Variants in SGF29 observed in about 807,000 individuals in gnomAD.
SGF29 encodes the protein SAGA-associated factor 29.
Under a neutral mutation model 38.1 loss-of-function variants are expected in SGF29, and 15 were observed. The ratio of observed to expected loss-of-function variants is 0.39; its 90% CI spans 0.26 to 0.61. The LOEUF (loss-of-function observed/expected upper bound fraction) is 0.61, where lower values mean the gene tolerates loss of function less well. SGF29 is among the 20% of genes least tolerant of loss of function. The probability of loss-of-function intolerance (pLI) is 0.49; values close to 1 mark genes in which losing one functional copy is unlikely to be tolerated. For synonymous variants in SGF29, 151 were observed against 160.8 expected (o/e 0.94, Z 0.46); for missense variants, 184 against 394.6 (o/e 0.47, Z 4.52).
chr16:28,555,692 CTAAAG>C (rs1421747188), intron 1 of SGF29, among the ~76,000 whole-genome samples: 1 of 152,216 alleles, frequency 6.6e-6, no homozygotes, highest in Non-Finnish European at 1.5e-5. Flanking sequence ...CAGACACACT[CTAAAG>C]TGTTTCACCA....
intron 3 of SGF29, chr16:28,585,440 A>T (rs894275661): frequency 6.6e-6 from 4 of 603,302 alleles, no homozygotes; most frequent in Non-Finnish European, 1.2e-5. Context: ...ACTCTCGCAG[A>T]TGTAGGGATG....
rs183035214 is a variant in SGF29, at chr16:28,569,157, A to G, written c.-15-11898A>G. 1.9e-3 allele frequency among the ~76,000 whole-genome samples: 293 copies of G among 152,278 alleles called. 3 individuals carry two copies. The highest frequency in any genetic ancestry group is 0.01 in the Middle Eastern group (3 of 294). On this transcript the variant is annotated intron_variant, in intron 1 of 9. Coordinates refer to ENST00000317058, the MANE Select transcript of SGF29 (RefSeq NM_138414.3). Reference sequence around the variant, plus strand: ...AAGCTTCTTTTCTTTCTTATGTCCTAGTGTTTTGTGGGAGAACTTAAGAGT... The same window carrying G: ...AAGCTTCTTTTCTTTCTTATGTCCTGGTGTTTTGTGGGAGAACTTAAGAGT...
At chr16:28,582,806 A>G (rs956675931) in intron 2 of SGF29, among the ~76,000 whole-genome samples, 3 of 152,098 alleles carry the variant, frequency 2.0e-5, no homozygotes, top group African/African-American at 7.2e-5. Flanking sequence ...GTGGTGGTAC[A>G]TGCTTGTAAT....
chr16:28,587,949 G>C (rs543196232), intron 4 of SGF29, among the ~76,000 whole-genome samples: 1 of 151,946 alleles, frequency 6.6e-6, no homozygotes, highest in Non-Finnish European at 1.5e-5. Context: ...ATAGACGCCC[G>C]CCACCACGCC....
rs2046978244 is a variant in SGF29 at position 28,589,988 on chromosome 16, C to A, written c.290-108C>A. The A allele has an allele frequency of 2.1e-5, 30 of 1,449,874 alleles. No homozygotes were observed. The East Asian group carries it at 7.3e-4, about 35-fold the overall frequency. The allele number at this position is 1,449,874 out of a possible 1,614,324, so 89.8% of individuals were successfully genotyped here. A position where few individuals can be genotyped will look rare whatever the true frequency, so the allele number is the denominator to read the frequency against. ...GTCCTGCTGGGCCCTCGGGCTCACTCGGGAACTGGGGGCTCCCAGGTGCTC... is the reference window on the plus strand; with the variant it reads ...GTCCTGCTGGGCCCTCGGGCTCACTAGGGAACTGGGGGCTCCCAGGTGCTC... On this transcript the variant is annotated intron_variant, in intron 5 of 9. Transcript: ENST00000317058.
At chr16:28,585,747 C>A in intron 4 of SGF29, 27 bp downstream of exon 4, 1 of 1,605,422 alleles carries the variant, frequency 6.2e-7, no homozygotes. Flanking sequence ...CACTTCATCG[C>A]CGCTCCCTCC....
chr16:28,591,020 C>T, intron 9 of SGF29, 85 bp downstream of exon 9: 5 of 1,442,958 alleles, frequency 3.5e-6, no homozygotes, highest in Non-Finnish European at 4.6e-6. Flanking sequence ...CCCACTCCTT[C>T]CCTTTGTCCT....
intron 1 of SGF29, among the ~76,000 whole-genome samples, chr16:28,574,207 G>C (rs1156278784): frequency 6.6e-6 from 1 of 152,216 alleles, no homozygotes; most frequent in Non-Finnish European, 1.5e-5. Context: ...ACTTGAAGGA[G>C]ACCCACGTGG....
chr16:28,564,580 C>T (rs529127640), intron 1 of SGF29, among the ~76,000 whole-genome samples: 8 of 116,320 alleles, frequency 6.9e-5, no homozygotes, highest in East Asian at 2.3e-4. Context: ...TATATATACA[C>T]GTATATATAT....
rs371750928 is a variant in SGF29 at position 28,585,666 on chromosome 16, C to T, written c.170C>T (p.Thr57Ile). Reference protein sequence around the residue: ...TENKISPYYRTKLRGLYTTAK... With the variant: ...TENKISPYYRIKLRGLYTTAK... Reference sequence around the variant, plus strand: ...TCTGCAGTTTCTCCCTATTACCGGACAAAGCTGCGTGGCCTCTACACAACC... The same window carrying T: ...TCTGCAGTTTCTCCCTATTACCGGATAAAGCTGCGTGGCCTCTACACAACC... The change falls in exon 4 of 10, where the codon ACA becomes ATA. Residue 57 changes from threonine (T) to isoleucine (I), a missense_variant. Transcript: ENST00000317058. 1 of 1,614,204 alleles carries T rather than the reference C, an allele frequency of 6.2e-7. No individual in the cohort carries two copies. Among genetic ancestry groups the T allele is most frequent in the Non-Finnish European group, 8.5e-7 (1 of 1,180,034 alleles).
chr16:28,590,807 C>T lies in SGF29; in HGVS notation c.637C>T (p.Leu213=). The T allele has an allele frequency of 4.3e-6, 7 of 1,614,062 alleles. No homozygotes were observed. The highest frequency in any genetic ancestry group is 5.9e-6 in the Non-Finnish European group (7 of 1,179,962). ...HTLSRRRVIP[L]PQWKANPETD... ...CCTGAGCCGGCGCCGTGTCATCCCG[C>T]TGCCCCAGTGGAAGGCCAACCCGGA... is the stretch of plus-strand genomic sequence containing the variant. Residue 213 remains leucine, a synonymous_variant, in exon 9 of 10, where the codon CTG becomes TTG. Transcript: ENST00000317058. This position sits in a 1 kb window ranked among gnomAD's most constrained non-coding sequence, Gnocchi z 8.2.
At position 28,564,747 on chromosome 16, in the gene SGF29, ATATATATG is replaced by A. The variant is rs1320403575; in HGVS notation, c.-16+10666_-16+10673del. Among the ~76,000 whole-genome samples the A allele has an allele frequency of 4.0e-3, 5 of 1,240 alleles. No individual in the cohort carries two copies. In the East Asian group the frequency reaches 0.11, roughly 28 times the overall value. 0.8% of individuals were successfully genotyped at this position (1,240 alleles called of 152,430 possible). ...TATATACATATATATGTATATATGT[ATATATATG>A]TATATATGTATATATATGTATATAT... On this transcript the variant is annotated intron_variant, in intron 1 of 9. Transcript: ENST00000317058.
At chr16:28,564,533 A>G (rs1453968817) in intron 1 of SGF29, among the ~76,000 whole-genome samples, 2 of 113,986 alleles carry the variant, frequency 1.8e-5, no homozygotes, top group Non-Finnish European at 3.6e-5. Context: ...GTGTGTATAT[A>G]TATATGTATA....
chr16:28,586,589 A>G (rs2046957455), intron 4 of SGF29, among the ~76,000 whole-genome samples: 2 of 152,162 alleles, frequency 1.3e-5, no homozygotes, highest in South Asian at 4.1e-4. Flanking sequence ...AGGAACTTGA[A>G]CATTACATTC....
intron 1 of SGF29, among the ~76,000 whole-genome samples, chr16:28,555,264 G>C (rs953268912): frequency 6.6e-6 from 1 of 151,016 alleles, no homozygotes; most frequent in African/African-American, 2.4e-5. Flanking sequence ...AGGGGTTTGA[G>C]ACCAGCCCGA....
At chr16:28,574,068 G>A (rs563185353) in intron 1 of SGF29, among the ~76,000 whole-genome samples, 1 of 152,324 alleles carries the variant, frequency 6.6e-6, no homozygotes, top group East Asian at 1.9e-4. Flanking sequence ...GTACGGGTTT[G>A]CAGCAATCTC....
chr16:28,571,244 G>C (rs568822087), intron 1 of SGF29, among the ~76,000 whole-genome samples: 1 of 152,086 alleles, frequency 6.6e-6, no homozygotes, highest in South Asian at 2.1e-4. Context: ...GAGCGATGCC[G>C]AATCTACTGG....
At chr16:28,584,737 C>T (rs1253353761) in intron 2 of SGF29, among the ~76,000 whole-genome samples, 176 bp from the exon 3 acceptor site, 1 of 148,334 alleles carries the variant, frequency 6.7e-6, no homozygotes, top group Non-Finnish European at 1.5e-5. Flanking sequence ...TGCAGTGAGC[C>T]GAGATCGTGC....
intron 1 of SGF29, among the ~76,000 whole-genome samples, chr16:28,576,561 G>A (rs1223079339): frequency 6.6e-6 from 1 of 151,964 alleles, no homozygotes; most frequent in African/African-American, 2.4e-5. Context: ...AGTAGCCAGC[G>A]TGGTGATGGG....
Sources: allele counts gnomAD v4.1 joint callset (sites outside exome capture counted in the v4.1 genomes callset), GRCh38; gene constraint gnomAD v4.1.1; non-coding constraint Gnocchi (gnomAD v3.1); transcripts MANE v1.5; gene names NCBI Gene and HGNC (gene_info 2026-07-23, HGNC 2026-07-21).